The following ZEB1 variants were observed in gnomAD, a reference collection of about 807,000 sequenced individuals.
The protein encoded by ZEB1 is zinc finger E-box-binding homeobox 1.
Under a neutral mutation model 84.9 loss-of-function variants are expected in ZEB1, and 21 were observed. The ratio of observed to expected loss-of-function variants is 0.25; its 90% confidence interval spans 0.18 to 0.36. ZEB1 has a LOEUF of 0.36. Ranked by LOEUF, ZEB1 falls within the 10% of genes least tolerant of loss-of-function variation. ZEB1 has a pLI of 1.00. For synonymous variants in ZEB1, 420 were observed against 471.1 expected (o/e 0.89, Z 1.41); for missense variants, 1,104 against 1,330.2 (o/e 0.83, Z 2.65).
intron 2 of ZEB1, among the ~76,000 whole-genome samples, chr10:31,490,339 T>C (rs1351174548): frequency 1.3e-5 from 2 of 151,700 alleles, no homozygotes; most frequent in Non-Finnish European, 3.0e-5. Context: ...ATTTTATTAT[T>C]GTCCTGCATT....
chr10:31,451,952 G>C (rs1313195040), intron 1 of ZEB1, among the ~76,000 whole-genome samples: 1 of 152,130 alleles, frequency 6.6e-6, no homozygotes, highest in Non-Finnish European at 1.5e-5. Flanking sequence ...TGTGAGCAAT[G>C]ACAACCCTTT....
rs112492253 is a variant in ZEB1 at position 31,480,255 on chromosome 10, A to G, written c.260-15521A>G. 9.3e-4 allele frequency among the ~76,000 whole-genome samples: 141 copies of G among 152,176 alleles called. 3 individuals are homozygous for G. The highest frequency in any genetic ancestry group is 3.2e-3 in the African/African-American group (134 of 41,566). On this transcript the variant is annotated intron_variant, in intron 2 of 8. Coordinates refer to ENST00000424869, the MANE Select transcript of ZEB1 (RefSeq NM_001174096.2). ...AACTGCCAAGACAATTAAACTTTTT[A>G]TGTTAAAAATGTTTAAAACTCTGAT...
At chr10:31,485,439 C>T (rs2065603715) in intron 2 of ZEB1, among the ~76,000 whole-genome samples, 1 of 151,826 alleles carries the variant, frequency 6.6e-6, no homozygotes, top group Non-Finnish European at 1.5e-5. Context: ...AAAGCGTTTG[C>T]CCTTATCCAC....
intron 7 of ZEB1, 71 bp from the exon 8 acceptor site, chr10:31,523,862 A>T: frequency 6.5e-7 from 1 of 1,539,756 alleles, no homozygotes; most frequent in Non-Finnish European, 8.9e-7. Context: ...TCTTTATCTC[A>T]TGCTTTTATG....
upstream of ZEB1, chr10:31,318,891 T>A (rs1366115903): frequency 1.6e-5 from 6 of 380,048 alleles, no homozygotes; most frequent in Non-Finnish European, 3.0e-5. Context: ...AGCCTCCAAC[T>A]TTACCTTTCC....
chr10:31,497,466 A>G (rs1004066258), intron 3 of ZEB1, among the ~76,000 whole-genome samples: 9 of 152,118 alleles, frequency 5.9e-5, no homozygotes, highest in Non-Finnish European at 1.3e-4. Flanking sequence ...CACGTACACA[A>G]TGATGATCCC....
intron 1 of ZEB1, among the ~76,000 whole-genome samples, chr10:31,338,604 T>C (rs2038712401): frequency 6.6e-6 from 1 of 152,230 alleles, no homozygotes; most frequent in Non-Finnish European, 1.5e-5. Context: ...GAAATAATTA[T>C]ATTATTCCCT....
chr10:31,401,816 G>A lies in ZEB1; in HGVS notation c.59-59221G>A, dbSNP rs563472634. On this transcript the variant is annotated intron_variant, in intron 1 of 8. Coordinates refer to ENST00000424869, the MANE Select transcript of ZEB1 (RefSeq NM_001174096.2). ...TTTAACCAGATGCCTTTAGAATACA[G>A]TTTGGTGCAGTCTTACAGATATAAC... is the stretch of plus-strand genomic sequence containing the variant. 3.3e-5 allele frequency among the ~76,000 whole-genome samples: 5 copies of A among 152,172 alleles called. No individual in the cohort carries two copies. In the East Asian group the frequency reaches 9.6e-4, roughly 29 times the overall value.
chr10:31,330,301 C>T (rs373794242), intron 1 of ZEB1, among the ~76,000 whole-genome samples: 1 of 152,188 alleles, frequency 6.6e-6, no homozygotes, highest in African/African-American at 2.4e-5. Context: ...TAGAGGAACA[C>T]AAGTCCTACT....
At chr10:31,433,321 G>C (rs1384646593) in intron 1 of ZEB1, among the ~76,000 whole-genome samples, 1 of 152,130 alleles carries the variant, frequency 6.6e-6, no homozygotes, top group Non-Finnish European at 1.5e-5. Context: ...TTAGGAAATT[G>C]CAAAATTCAA....
At chr10:31,397,159 T>TTTA (rs200770494) in intron 1 of ZEB1, among the ~76,000 whole-genome samples, 35,031 of 128,054 alleles carry the variant, frequency 0.27, 4,907 homozygotes, top group South Asian at 0.33. Flanking sequence ...TCTTGGGTTT[T>TTTA]TTATTATTAT....
rs367640547 is a variant in ZEB1, at chr10:31,466,406, A to G, written c.259+5169A>G. Among the ~76,000 whole-genome samples, 3 of 152,352 alleles carry G rather than the reference A, an allele frequency of 2.0e-5. No individual in the cohort carries two copies. In the South Asian group the frequency reaches 6.2e-4, roughly 32 times the overall value. On this transcript the variant is annotated intron_variant, in intron 2 of 8. Coordinates refer to ENST00000424869, the MANE Select transcript of ZEB1 (RefSeq NM_001174096.2). The stretch of plus-strand genomic sequence containing the variant: ...ACAAATTTAAAATTAAAATTATATC[A>G]AGTATGTTTTCTGTCAACAGTGGCA...
intron 1 of ZEB1, among the ~76,000 whole-genome samples, chr10:31,382,912 T>A (rs1027369911): frequency 6.6e-6 from 1 of 151,966 alleles, no homozygotes; most frequent in Admixed American, 6.6e-5. Context: ...TAAAGAAATA[T>A]GAGGTTTTTT....
Position 31,502,431 on chromosome 10 carries a change from A to G in ZEB1, c.406A>G (p.Thr136Ala). The G allele has an allele frequency of 6.2e-7, 1 of 1,613,900 alleles. No homozygotes were observed. The highest frequency in any genetic ancestry group is 8.5e-7 in the Non-Finnish European group (1 of 1,179,844). ...NVEEFLQQQDTAVIFPEAPEE... is the reference protein window; with the variant it reads ...NVEEFLQQQDAAVIFPEAPEE... ...TGAAGAGTTTCTACAACAACAAGAC[A>G]CTGCTGTCATTTTTCCTGAGGCACC... The change falls in exon 4 of 9, where the codon ACT (threonine) becomes GCT (alanine). Residue 136 changes from threonine (T) to alanine (A), a missense_variant. Physicochemically the swap from Thr to Ala is moderately conservative, Grantham distance 58 (BLOSUM62 0). This residue lies in a region of ZEB1 where 162 missense variants were observed against 184.5 expected (regional missense o/e 0.88). Coordinates refer to ENST00000424869, the MANE Select transcript of ZEB1 (RefSeq NM_001174096.2).
chr10:31,511,875 C>T (rs1223996310), intron 5 of ZEB1, among the ~76,000 whole-genome samples: 1 of 152,126 alleles, frequency 6.6e-6, no homozygotes, highest in Non-Finnish European at 1.5e-5. Flanking sequence ...CAACCTATTT[C>T]CTTAGTACTT....
chr10:31,526,584 T>G (rs1233106339), intron 8 of ZEB1, 88 bp from the exon 9 acceptor site: 2 of 1,501,866 alleles, frequency 1.3e-6, no homozygotes, highest in Non-Finnish European at 1.8e-6. Flanking sequence ...ACCCTCCCCT[T>G]TCTACAACAT....
Position 31,527,428 on chromosome 10 carries a change from C to T in ZEB1, c.*164C>T, listed in dbSNP as rs1400967981. The T allele has an allele frequency of 1.4e-6, 1 of 708,180 alleles. No homozygotes were observed. The highest frequency in any genetic ancestry group is 1.8e-5 in the African/African-American group (1 of 55,508). 43.9% of individuals were successfully genotyped at this position (708,180 alleles called of 1,614,324 possible). A position where few individuals can be genotyped will look rare whatever the true frequency, so the allele number is the denominator to read the frequency against. The stretch of plus-strand genomic sequence containing the variant: ...AAAATACAAAACACACACACACACA[C>T]ACACACACACACACACACACACACA... On this transcript the variant is annotated 3_prime_UTR_variant, in exon 9 of 9. Transcript: ENST00000424869.
intron 1 of ZEB1, among the ~76,000 whole-genome samples, chr10:31,386,397 A>G (rs2048645286): frequency 6.6e-6 from 1 of 151,774 alleles, no homozygotes; most frequent in South Asian, 2.1e-4. Context: ...TATATAACAT[A>G]TTTTCAAACT....
intron 2 of ZEB1, among the ~76,000 whole-genome samples, chr10:31,469,751 C>T (rs910507989): frequency 1.3e-5 from 2 of 152,218 alleles, no homozygotes; most frequent in African/African-American, 4.8e-5. Flanking sequence ...GGCTCCACCT[C>T]TGGGGGCAGG....
Sources: allele counts gnomAD v4.1 joint callset (sites outside exome capture counted in the v4.1 genomes callset), GRCh38; gene constraint gnomAD v4.1.1; regional missense constraint gnomAD v4.1.1; transcripts MANE v1.5; gene names NCBI Gene and HGNC (gene_info 2026-07-23, HGNC 2026-07-21).